FHOD3: variants seen among roughly 807,000 people sequenced by gnomAD.
FHOD3 encodes the protein FH1/FH2 domain-containing protein 3.
A neutral mutation model predicts 173.0 loss-of-function variants in FHOD3; 90 were observed. That is an observed-to-expected ratio of 0.52 (90% CI 0.44 to 0.62). FHOD3 has a LOEUF of 0.62. Among genes scored for constraint, FHOD3 ranks in the 20% least tolerant of loss-of-function variants. The probability of loss-of-function intolerance (pLI) is 0.00; values close to 1 mark genes in which losing one functional copy is unlikely to be tolerated. For missense variants in FHOD3, 1,945 were observed against 2,034.7 expected, an observed-to-expected ratio of 0.96 and a Z score of 0.85; for synonymous variants, 828 against 823.0, an observed-to-expected ratio of 1.01 and a Z score of -0.10.
intron 20 of FHOD3, among the ~76,000 whole-genome samples, chr18:36,734,330 A>T (rs904623888): frequency 1.3e-4 from 20 of 152,280 alleles, no homozygotes; most frequent in Non-Finnish European, 2.4e-4. Context: ...GCATTATAGG[A>T]TGTTTAGCAC....
At chr18:36,724,651 A>G (rs1412181892) in intron 19 of FHOD3, among the ~76,000 whole-genome samples, 1 of 152,088 alleles carries the variant, frequency 6.6e-6, no homozygotes, top group Non-Finnish European at 1.5e-5. Context: ...CTCTTTCCAC[A>G]AAGGGTAACC....
chr18:36,644,379 T>TA (rs2035540942), intron 10 of FHOD3, among the ~76,000 whole-genome samples: 1 of 152,242 alleles, frequency 6.6e-6, no homozygotes, highest in African/African-American at 2.4e-5. Flanking sequence ...ATTTGACTGA[T>TA]TTTATCATAG....
intron 16 of FHOD3, among the ~76,000 whole-genome samples, chr18:36,690,020 A>G (rs1011523882): frequency 2.0e-5 from 3 of 152,126 alleles, no homozygotes; most frequent in Non-Finnish European, 2.9e-5. Context: ...AAAGTCAAGC[A>G]GAGTTTCTGT....
In FHOD3 at chr18:36,693,408, C is replaced by G; in HGVS notation, c.2221C>G (p.Pro741Ala). 2 of 1,613,652 alleles carry G rather than the reference C, an allele frequency of 1.2e-6. No homozygotes were observed. The highest frequency in any genetic ancestry group is 1.7e-6 in the Non-Finnish European group (2 of 1,179,766). Residue 741 changes from proline (P) to alanine (A), a missense_variant, in exon 17 of 29, where the codon CCT becomes GCT. Pro to Ala is a conservative substitution (Grantham distance 27, BLOSUM62 -1). This residue lies in a region of FHOD3 where 1,099 missense variants were observed against 1,051.2 expected (regional missense o/e 1.05). Transcript: ENST00000590592. ...LTVSASSPGT[P>A]HHPQASAGDP... ...GGTGTCTGCCTCCTCCCCAGGAACC[C>G]CTCACCATCCCCAAGGTGAGTACAG...
intron 3 of FHOD3, among the ~76,000 whole-genome samples, chr18:36,392,059 G>C: frequency 6.6e-6 from 1 of 152,218 alleles, no homozygotes; most frequent in East Asian, 1.9e-4. Flanking sequence ...TGGTGTAGCG[G>C]GGTGGACTTT....
At chr18:36,732,598 C>T (rs929414745) in intron 20 of FHOD3, among the ~76,000 whole-genome samples, 6 of 152,188 alleles carry the variant, frequency 3.9e-5, no homozygotes, top group African/African-American at 7.2e-5. Context: ...AGGGCCCACT[C>T]GAATCCAGGA....
chr18:36,319,576 A>G (rs760909644), intron 1 of FHOD3, among the ~76,000 whole-genome samples: 15 of 152,228 alleles, frequency 9.9e-5, no homozygotes, highest in Non-Finnish European at 1.9e-4. Context: ...TAGACAGATC[A>G]ATGAGACAGA....
intron 3 of FHOD3, among the ~76,000 whole-genome samples, chr18:36,482,854 CACACAGAGAG>C (rs1170161562): frequency 1.3e-4 from 13 of 97,908 alleles, no homozygotes; most frequent in Non-Finnish European, 2.0e-4. Flanking sequence ...CACTCACACA[CACACAGAGAG>C]AGAGAGAGAG....
intron 3 of FHOD3, among the ~76,000 whole-genome samples, chr18:36,412,615 TTAAAGAGAGACTTAAGG>T (rs1207604388): frequency 6.6e-6 from 1 of 152,214 alleles, no homozygotes; most frequent in African/African-American, 2.4e-5. Flanking sequence ...TCTTCTTCCC[TTAAAGAGAGACTTAAGG>T]TAAAGAGAAT....
chr18:36,668,811 A>G (rs1014018249), intron 14 of FHOD3, among the ~76,000 whole-genome samples: 2 of 151,932 alleles, frequency 1.3e-5, no homozygotes, highest in African/African-American at 2.4e-5. Context: ...TCTGTTACTG[A>G]TTTCTAATTT....
chr18:36,544,059 C>T (rs978144251), intron 5 of FHOD3, among the ~76,000 whole-genome samples: 2 of 152,130 alleles, frequency 1.3e-5, no homozygotes, highest in South Asian at 2.1e-4. Context: ...GGTATGTGTT[C>T]GTTAAATATG....
At chr18:36,324,500 A>G (rs1329595201) in intron 1 of FHOD3, among the ~76,000 whole-genome samples, 1 of 152,074 alleles carries the variant, frequency 6.6e-6, no homozygotes, top group Non-Finnish European at 1.5e-5. Flanking sequence ...TAAATATTCA[A>G]TAAAGGACTC....
intron 14 of FHOD3, among the ~76,000 whole-genome samples, chr18:36,679,719 C>T (rs2038108571): frequency 6.6e-6 from 1 of 151,498 alleles, no homozygotes; most frequent in Non-Finnish European, 1.5e-5. Flanking sequence ...TATTGATTTT[C>T]AATGCAGTTG....
chr18:36,457,177 C>G (rs1599198329), intron 3 of FHOD3, among the ~76,000 whole-genome samples: 1 of 152,044 alleles, frequency 6.6e-6, no homozygotes, highest in African/African-American at 2.4e-5. Context: ...GTGAGGAGAA[C>G]CTTGAGGATA....
intron 16 of FHOD3, among the ~76,000 whole-genome samples, chr18:36,687,860 T>A (rs2038726735): frequency 6.6e-6 from 1 of 152,250 alleles, no homozygotes; most frequent in Non-Finnish European, 1.5e-5. Flanking sequence ...TGGTTTGTGA[T>A]GCTAACTAGA....
chr18:36,395,055 A>G (rs1446820989), intron 3 of FHOD3, among the ~76,000 whole-genome samples: 1 of 152,232 alleles, frequency 6.6e-6, no homozygotes, highest in African/African-American at 2.4e-5. Flanking sequence ...TAGAATTAGA[A>G]TATCCCATAT....
At chr18:36,686,104 A>G (rs1453743376) in intron 15 of FHOD3, among the ~76,000 whole-genome samples, 1 of 152,144 alleles carries the variant, frequency 6.6e-6, no homozygotes, top group African/African-American at 2.4e-5. Flanking sequence ...ATTACTGGGT[A>G]TATACCCAAA....
In FHOD3 at chr18:36,693,328, G is replaced by T. The variant is rs1226081460; in HGVS notation, c.2141G>T (p.Cys714Phe). Residue 714 changes from cysteine to phenylalanine, a missense_variant, in exon 17 of 29, where the codon TGC becomes TTC. Transcript: ENST00000590592. ...LDLTSPAAPA[C>F]LAPLSHSPSS... ...CTGACCTCGCCAGCAGCCCCAGCCT[G>T]CCTGGCTCCTCTGAGCCATAGCCCC... is the stretch of plus-strand genomic sequence containing the variant. 3 of 1,613,892 alleles carry T rather than the reference G, an allele frequency of 1.9e-6. No individual in the cohort carries two copies. The highest frequency in any genetic ancestry group is 1.1e-5 in the South Asian group (1 of 91,056).
intron 1 of FHOD3, among the ~76,000 whole-genome samples, chr18:36,323,185 C>T (rs1270121907): frequency 6.6e-6 from 1 of 152,192 alleles, no homozygotes; most frequent in East Asian, 1.9e-4. Context: ...GCTGCCTCTG[C>T]TCCTCCTCTG....
Sources: gnomAD v4.1 joint callset for allele counts (sites outside exome capture counted in the v4.1 genomes callset) on GRCh38, gnomAD v4.1.1 for gene constraint, gnomAD v4.1.1 regional missense constraint, MANE v1.5 for transcripts, NCBI Gene and HGNC (gene_info 2026-07-23, HGNC 2026-07-21) for gene names.